The following ADAM10 variants were observed in gnomAD, a reference collection of about 807,000 sequenced individuals.
The protein encoded by ADAM10 is disintegrin and metalloproteinase domain-containing protein 10.
ADAM10 carries 17 observed loss-of-function variants against 90.1 expected under a neutral mutation model. The ratio of observed to expected loss-of-function variants is 0.19; its 90% CI spans 0.13 to 0.28. The LOEUF (loss-of-function observed/expected upper bound fraction) is 0.28, where lower values mean the gene tolerates loss of function less well. ADAM10 is among the 10% of genes least tolerant of loss of function. The pLI is 1.00. For synonymous variants in ADAM10, 310 were observed against 298.6 expected, an observed-to-expected ratio of 1.04 and a Z score of -0.40; for missense variants, 610 against 914.3, an observed-to-expected ratio of 0.67 and a Z score of 4.29.
At chr15:58,647,246 G>GTTTTTTTTTTTTTTTTTTTTTT (rs1323960397) in intron 5 of ADAM10, among the ~76,000 whole-genome samples, 3 of 36,850 alleles carry the variant, frequency 8.1e-5, no homozygotes, top group African/African-American at 2.2e-4. Context: ...TAGACACTAA[G>GTTTTTTTTTTTTTTTTTTTTTT]TATTTTTTTT....
chr15:58,727,070 G>T (rs1458820363), intron 1 of ADAM10, among the ~76,000 whole-genome samples: 1 of 150,636 alleles, frequency 6.6e-6, no homozygotes, highest in African/African-American at 2.4e-5. Flanking sequence ...GTGGTGACGT[G>T]ATCATAGCTC....
In ADAM10 at chr15:58,749,521, C is replaced by T. The variant is rs199903115; in HGVS notation, c.14G>A (p.Arg5Lys). 7.1e-6 allele frequency: 11 copies of T among 1,553,908 alleles called. No homozygotes were observed. Among genetic ancestry groups the T allele is most frequent in the Non-Finnish European group, 9.6e-6 (11 of 1,148,380 alleles). ...CCAGGAGAGGAGCAGAATTAACACT[C>T]TCAGCAACACCATCTTCCGCTGCCG... Reference protein sequence around the residue: MVLLRVLILLLSWAA... With the variant: MVLLKVLILLLSWAA... Residue 5 changes from arginine to lysine, a missense_variant, in exon 1 of 16, where the codon AGA becomes AAA. Arg to Lys is a conservative substitution (Grantham distance 26). Transcript: ENST00000260408.
At chr15:58,718,163 A>T (rs56403110) in intron 1 of ADAM10, among the ~76,000 whole-genome samples, 67,171 of 151,482 alleles carry the variant, frequency 0.44, 15,999 homozygotes, top group Non-Finnish European at 0.55. Context: ...AAAAATAAAT[A>T]AAAAGTATAA....
intron 2 of ADAM10, among the ~76,000 whole-genome samples, chr15:58,715,251 G>A (rs768015777): frequency 6.6e-5 from 10 of 151,656 alleles, no homozygotes; most frequent in Non-Finnish European, 1.3e-4. Flanking sequence ...GTGAAACCCC[G>A]TCTCTACTAA....
Position 58,705,184 on chromosome 15 carries a change from T to C in ADAM10, c.206+12393A>G, listed in dbSNP as rs1277224050. Reference sequence around the variant, plus strand: ...ATGTTTCTTTCAGCAAGTTTAGTTTTTATTATTTTATAATATACTACACCG... The same window carrying C: ...ATGTTTCTTTCAGCAAGTTTAGTTTCTATTATTTTATAATATACTACACCG... On this transcript the variant is annotated intron_variant, in intron 2 of 15. Coordinates refer to ENST00000260408, the MANE Select transcript of ADAM10 (RefSeq NM_001110.4). 2.0e-5 allele frequency among the ~76,000 whole-genome samples: 3 copies of C among 152,206 alleles called. No individual in the cohort carries two copies. The East Asian group carries it at 5.8e-4, about 29-fold the overall frequency.
intron 2 of ADAM10, among the ~76,000 whole-genome samples, chr15:58,689,560 T>G (rs1356351622): frequency 6.6e-6 from 1 of 151,856 alleles, no homozygotes; most frequent in Non-Finnish European, 1.5e-5. Context: ...AGAAAAACAA[T>G]GTCAATCCAA....
At chr15:58,712,213 C>G (rs567639537) in intron 2 of ADAM10, among the ~76,000 whole-genome samples, 1 of 151,928 alleles carries the variant, frequency 6.6e-6, no homozygotes, top group African/African-American at 2.4e-5. Context: ...ACAAAAACCA[C>G]GTAAGAAAAA....
intron 8 of ADAM10, among the ~76,000 whole-genome samples, chr15:58,637,572 A>G (rs1311195126): frequency 2.0e-5 from 3 of 152,206 alleles, no homozygotes; most frequent in African/African-American, 4.8e-5. Context: ...GTATGATTTT[A>G]TAACTCTTCT....
At chr15:58,686,354 C>G (rs1897601331) in intron 2 of ADAM10, 24 of 722,346 alleles carry the variant, frequency 3.3e-5, no homozygotes, top group Non-Finnish European at 5.7e-5. Context: ...CTACTTCAAA[C>G]CTATCCTAAT....
intron 4 of ADAM10, among the ~76,000 whole-genome samples, chr15:58,673,162 G>A (rs1897236984): frequency 6.6e-6 from 1 of 152,124 alleles, no homozygotes; most frequent in African/African-American, 2.4e-5. Flanking sequence ...TGGAAGGACA[G>A]ACAGACGGAC....
intron 1 of ADAM10, among the ~76,000 whole-genome samples, chr15:58,733,612 C>T (rs1899330050): frequency 6.6e-6 from 1 of 152,092 alleles, no homozygotes; most frequent in African/African-American, 2.4e-5. Flanking sequence ...GGGACTTGAG[C>T]ATTCATGGAA....
chr15:58,664,613 A>G (rs1332066332), intron 5 of ADAM10, among the ~76,000 whole-genome samples: 1 of 152,166 alleles, frequency 6.6e-6, no homozygotes, highest in African/African-American at 2.4e-5. Flanking sequence ...TTTTGAACTT[A>G]TGTTTTGAAT....
intron 2 of ADAM10, among the ~76,000 whole-genome samples, chr15:58,688,766 T>TTATATATATATATATATA (rs780219725): frequency 1.2e-3 from 148 of 121,772 alleles, no homozygotes; most frequent in African/African-American, 4.1e-3. Flanking sequence ...AAAAAAAAAA[T>TTATATATATATATATATA]TATATATATA....
chr15:58,674,757 T>G (rs1270082163), intron 4 of ADAM10, among the ~76,000 whole-genome samples: 2 of 152,238 alleles, frequency 1.3e-5, no homozygotes, highest in African/African-American at 4.8e-5. Flanking sequence ...CTTGAAATGG[T>G]AAAATAAAGT....
intron 4 of ADAM10, among the ~76,000 whole-genome samples, chr15:58,673,388 C>T (rs1441899108): frequency 5.0e-5 from 4 of 79,270 alleles, no homozygotes; most frequent in South Asian, 4.1e-4. Context: ...CTGTAATTGC[C>T]AAAAAAAAAA....
intron 14 of ADAM10, among the ~76,000 whole-genome samples, chr15:58,608,384 G>A (rs16940594): frequency 0.059 from 9,000 of 152,116 alleles, 742 homozygotes; most frequent in African/African-American, 0.18. Flanking sequence ...GATAAATCCC[G>A]GTATGCAAGT....
intron 2 of ADAM10, among the ~76,000 whole-genome samples, chr15:58,686,118 G>C (rs1897593845): frequency 6.6e-6 from 1 of 152,210 alleles, no homozygotes; most frequent in Non-Finnish European, 1.5e-5. Context: ...TTCACCTGTA[G>C]TCTGTGGCTC....
intron 5 of ADAM10, among the ~76,000 whole-genome samples, chr15:58,655,715 A>ATATATATATATATATATATATG (rs1896804172): frequency 4.6e-5 from 3 of 65,180 alleles, no homozygotes; most frequent in African/African-American, 2.0e-4. Context: ...TATATAGTAT[A>ATATATATATATATATATATATG]TATATATATA....
intron 4 of ADAM10, among the ~76,000 whole-genome samples, chr15:58,671,470 A>G (rs1283781237): frequency 6.6e-6 from 1 of 152,214 alleles, no homozygotes; most frequent in Non-Finnish European, 1.5e-5. Flanking sequence ...GAATTATGCT[A>G]TCAGAGATGT....
Sources: allele counts gnomAD v4.1 joint callset (sites outside exome capture counted in the v4.1 genomes callset), GRCh38; gene constraint gnomAD v4.1.1; transcripts MANE v1.5; gene names NCBI Gene and HGNC (gene_info 2026-07-23, HGNC 2026-07-21).